FSTL5: variants seen among roughly 807,000 people sequenced by gnomAD.
The protein encoded by FSTL5 is follistatin-related protein 5.
FSTL5 carries 62 observed loss-of-function variants against 89.1 expected under a neutral mutation model. The ratio of observed to expected loss-of-function variants is 0.70; its 90% CI spans 0.57 to 0.86. The LOEUF (loss-of-function observed/expected upper bound fraction) is 0.86, where lower values mean the gene tolerates loss of function less well. FSTL5 is among the 40% of genes least tolerant of loss of function. The probability of loss-of-function intolerance (pLI) is 0.00; values close to 1 mark genes in which losing one functional copy is unlikely to be tolerated. For missense variants in FSTL5, 1,057 were observed against 1,001.6 expected, an observed-to-expected ratio of 1.06 and a Z score of -0.75; for synonymous variants, 383 against 346.2, an observed-to-expected ratio of 1.11 and a Z score of -1.18.
At chr4:161,412,043 A>G (rs140644084) in intron 15 of FSTL5, among the ~76,000 whole-genome samples, 1 of 152,282 alleles carries the variant, frequency 6.6e-6, no homozygotes, top group East Asian at 1.9e-4. Context: ...TCCATACACT[A>G]ACAACATCCA....
chr4:161,979,849 G>A (rs1207802069), intron 3 of FSTL5, among the ~76,000 whole-genome samples: 2 of 152,002 alleles, frequency 1.3e-5, no homozygotes, highest in South Asian at 2.1e-4. Flanking sequence ...TGTGTTCTAC[G>A]CATGTTCAAT....
intron 2 of FSTL5, among the ~76,000 whole-genome samples, chr4:162,064,155 T>G (rs1738811533): frequency 6.6e-6 from 1 of 152,178 alleles, no homozygotes; most frequent in South Asian, 2.1e-4. Flanking sequence ...TATGCTTGTA[T>G]GCATTTCTGC....
At chr4:161,799,241 G>A (rs568469834) in intron 4 of FSTL5, among the ~76,000 whole-genome samples, 204 of 151,678 alleles carry the variant, frequency 1.3e-3, no homozygotes, top group African/African-American at 4.5e-3. Context: ...CACATAGCTA[G>A]TTTGCCCCCT....
intron 8 of FSTL5, among the ~76,000 whole-genome samples, chr4:161,572,737 A>T (rs193220327): frequency 6.6e-6 from 1 of 152,198 alleles, no homozygotes; most frequent in Non-Finnish European, 1.5e-5. Flanking sequence ...CCTATGTGAT[A>T]CTGTGACCTC....
At chr4:162,139,156 G>A (rs1183947426) in intron 1 of FSTL5, among the ~76,000 whole-genome samples, 1 of 151,958 alleles carries the variant, frequency 6.6e-6, no homozygotes, top group Non-Finnish European at 1.5e-5. Context: ...TAATGGTGAG[G>A]TCTGGGTTTC....
At chr4:162,014,943 C>T (rs915957512) in intron 3 of FSTL5, among the ~76,000 whole-genome samples, 2 of 152,102 alleles carry the variant, frequency 1.3e-5, no homozygotes, top group African/African-American at 4.8e-5. Context: ...AGAAATGCTA[C>T]TCAAGGTTAA....
At chr4:161,806,302 C>T (rs1053122083) in intron 4 of FSTL5, among the ~76,000 whole-genome samples, 1 of 152,186 alleles carries the variant, frequency 6.6e-6, no homozygotes, top group African/African-American at 2.4e-5. Context: ...ACACCCTTCC[C>T]ATTAAGTTAT....
chr4:161,621,448 A>G (rs941242411), intron 7 of FSTL5, among the ~76,000 whole-genome samples: 1 of 152,172 alleles, frequency 6.6e-6, no homozygotes, highest in Non-Finnish European at 1.5e-5. Context: ...GGTTGCAGGA[A>G]AGCAAGAGAA....
At chr4:161,733,775 TTTAC>T (rs765812352) in intron 6 of FSTL5, among the ~76,000 whole-genome samples, 7 of 152,020 alleles carry the variant, frequency 4.6e-5, no homozygotes, top group African/African-American at 1.2e-4. Flanking sequence ...TTTTACTGTA[TTTAC>T]TTACTTTTAT....
At position 161,588,417 on chromosome 4, in the gene FSTL5, T is replaced by C. The variant is rs1201499301; in HGVS notation, c.895-842A>G. On this transcript the variant is annotated intron_variant, in intron 7 of 15. Transcript: ENST00000306100. ...ATAGCATTTATTTTCCAAGCCCAGA[T>C]ACCATCAACACATTTGAATACAATA... Among the ~76,000 whole-genome samples, 6 of 152,000 alleles carry C rather than the reference T, an allele frequency of 3.9e-5. No homozygotes were observed. In the South Asian group the frequency reaches 6.2e-4, roughly 16 times the overall value.
chr4:161,403,503 T>A (rs1731255516), intron 15 of FSTL5, among the ~76,000 whole-genome samples: 1 of 152,234 alleles, frequency 6.6e-6, no homozygotes, highest in Non-Finnish European at 1.5e-5. Flanking sequence ...ACCAGAATTT[T>A]TTCTGCTTTT....
chr4:162,103,863 T>C lies in FSTL5; in HGVS notation c.126+7408A>G, dbSNP rs532533701. On this transcript the variant is annotated intron_variant, in intron 2 of 15. Transcript: ENST00000306100. ...ATGCTAATTAGGCAAAAACAGGAGG[T>C]ACAGAAATAGCCAATCATCTATTGC... Among the ~76,000 whole-genome samples the C allele has an allele frequency of 1.1e-4, 17 of 152,010 alleles. 1 individual carries two copies. The East Asian group carries it at 3.3e-3, about 30-fold the overall frequency.
At chr4:162,135,920 G>A (rs1304120543) in intron 1 of FSTL5, among the ~76,000 whole-genome samples, 1 of 151,904 alleles carries the variant, frequency 6.6e-6, no homozygotes, top group East Asian at 1.9e-4. Context: ...CACATTTTAT[G>A]CTAATGAGTT....
At chr4:161,837,291 GA>G (rs1209740172) in intron 4 of FSTL5, among the ~76,000 whole-genome samples, 1 of 151,934 alleles carries the variant, frequency 6.6e-6, no homozygotes, top group African/African-American at 2.4e-5. Flanking sequence ...TGACTAACAA[GA>G]AATAGGAGTC....
At chr4:161,669,609 G>A (rs1229740618) in intron 6 of FSTL5, among the ~76,000 whole-genome samples, 1 of 151,746 alleles carries the variant, frequency 6.6e-6, no homozygotes, top group Non-Finnish European at 1.5e-5. Context: ...AATGACACTA[G>A]ACAGAAGCCC....
rs71997829 is a variant in FSTL5 at position 161,774,768 on chromosome 4, GTTATTTA to G, written c.606+1103_606+1109del. ...AAATTTATTTTAATTTAATTAACTA[GTTATTTA>G]TTCTTATTACTATAAAGTATAAATT... On this transcript the variant is annotated intron_variant, in intron 5 of 15. Coordinates refer to ENST00000306100, the MANE Select transcript of FSTL5 (RefSeq NM_020116.5). Among the ~76,000 whole-genome samples the G allele has an allele frequency of 2.0e-5, 3 of 151,508 alleles. No homozygotes were observed. In the East Asian group the frequency reaches 5.8e-4, roughly 29 times the overall value.
chr4:161,887,087 A>C (rs1271974427), intron 4 of FSTL5, among the ~76,000 whole-genome samples: 1 of 152,158 alleles, frequency 6.6e-6, no homozygotes, highest in African/African-American at 2.4e-5. Flanking sequence ...ACAAATTCTC[A>C]AATCTCAAAT....
At chr4:161,629,938 AG>A (rs1735447576) in intron 7 of FSTL5, among the ~76,000 whole-genome samples, 1 of 152,182 alleles carries the variant, frequency 6.6e-6, no homozygotes, top group Non-Finnish European at 1.5e-5. Context: ...TCGGAGGCTC[AG>A]GACCTCCTGG....
At chr4:162,159,998 A>G (rs1284714813) in intron 1 of FSTL5, among the ~76,000 whole-genome samples, 1 of 144,818 alleles carries the variant, frequency 6.9e-6, no homozygotes, top group Non-Finnish European at 1.5e-5. Context: ...ACAGCTTATT[A>G]TCTAAATTAT....
Sources: gnomAD v4.1 joint callset for allele counts (sites outside exome capture counted in the v4.1 genomes callset) on GRCh38, gnomAD v4.1.1 for gene constraint, MANE v1.5 for transcripts, NCBI Gene and HGNC (gene_info 2026-07-23, HGNC 2026-07-21) for gene names.